The following AFF1 variants were observed in gnomAD, a reference collection of about 807,000 sequenced individuals.
AFF1 encodes AF4/FMR2 family member 1.
In AFF1, 48 loss-of-function variants were observed where a neutral mutation model predicts 121.7. That is an observed-to-expected ratio of 0.39 (90% CI 0.31 to 0.50). The LOEUF (loss-of-function observed/expected upper bound fraction) is 0.50, where lower values mean the gene tolerates loss of function less well. Among genes scored for constraint, AFF1 ranks in the 20% least tolerant of loss-of-function variants. The probability of loss-of-function intolerance (pLI) is 0.76; values close to 1 mark genes in which losing one functional copy is unlikely to be tolerated. For synonymous variants in AFF1, 613 were observed against 563.0 expected (o/e 1.09, Z -1.26); for missense variants, 1,523 against 1,511.7 (o/e 1.01, Z -0.12).
At chr4:87,122,033 A>T (rs1169465539) in intron 12 of AFF1, among the ~76,000 whole-genome samples, 1 of 152,242 alleles carries the variant, frequency 6.6e-6, no homozygotes, top group Non-Finnish European at 1.5e-5. Context: ...AGCCTTGTTA[A>T]TGCTTAGTTT....
intron 2 of AFF1, among the ~76,000 whole-genome samples, chr4:86,973,465 C>T (rs1392453130): frequency 6.6e-6 from 1 of 152,102 alleles, no homozygotes; most frequent in African/African-American, 2.4e-5. Flanking sequence ...TTTTTTTCCC[C>T]CTTAAATTAC....
intron 1 of AFF1, among the ~76,000 whole-genome samples, chr4:86,941,631 A>T (rs1720465781): frequency 6.6e-6 from 1 of 152,140 alleles, no homozygotes. Flanking sequence ...CAGCGTGGGC[A>T]ATAGAGCAAG....
chr4:86,992,519 G>A (rs750549180), intron 2 of AFF1, among the ~76,000 whole-genome samples: 7 of 152,142 alleles, frequency 4.6e-5, no homozygotes, highest in Non-Finnish European at 8.8e-5. Context: ...ATTCCCAAGT[G>A]ACAGTGTAGG....
At chr4:87,007,350 G>C in intron 2 of AFF1, 1 of 1,611,412 alleles carries the variant, frequency 6.2e-7, no homozygotes, top group Non-Finnish European at 8.5e-7. Flanking sequence ...GCTGGCAGCA[G>C]GGCCCGCGGG....
intron 17 of AFF1, 145 bp downstream of exon 17, chr4:87,131,364 C>T (rs968052014): frequency 9.0e-7 from 1 of 1,105,780 alleles, no homozygotes; most frequent in African/African-American, 1.6e-5. Context: ...AGTGTTTGTC[C>T]TGAAGTTGCG....
chr4:86,969,647 G>A (rs1194634735), intron 2 of AFF1, among the ~76,000 whole-genome samples: 1 of 150,984 alleles, frequency 6.6e-6, no homozygotes, highest in Non-Finnish European at 1.5e-5. Flanking sequence ...TAGGGAGGCC[G>A]AGGCAGGCGG....
intron 1 of AFF1, chr4:86,935,494 G>A (rs947023469): frequency 2.0e-5 from 3 of 152,540 alleles, no homozygotes; most frequent in African/African-American, 7.2e-5. Flanking sequence ...ACGGGGACAT[G>A]GGAAGAGACC....
In AFF1 at chr4:87,138,263, G is replaced by T. The variant is rs342459; in HGVS notation, c.*2562G>T. ...TTTTGCTGTTACGGTTGTATATAGA[G>T]GTCTGAAGGATTTTTAAAATGATTT... On this transcript the variant is annotated 3_prime_UTR_variant, in exon 21 of 21. Coordinates refer to ENST00000395146, the MANE Select transcript of AFF1 (RefSeq NM_001166693.3). The T allele has an allele frequency of 4.3e-6, 1 of 232,004 alleles. No homozygotes were observed. The highest frequency in any genetic ancestry group is 8.5e-6 in the Non-Finnish European group (1 of 117,496). 14.4% of individuals were successfully genotyped at this position (232,004 alleles called of 1,614,324 possible).
At chr4:87,095,049 T>G in intron 8 of AFF1, 80 bp downstream of exon 8, 1 of 1,357,374 alleles carries the variant, frequency 7.4e-7, no homozygotes, top group Non-Finnish European at 1.0e-6. Context: ...GCTTAGATTT[T>G]TCTGCCTTTA....
At position 86,948,491 on chromosome 4, in the gene AFF1, C is replaced by A; in HGVS notation, c.-36-7C>A. On this transcript the variant is annotated splice_polypyrimidine_tract_variant and splice_region_variant and intron_variant, in intron 1 of 20. Coordinates refer to ENST00000395146, the MANE Select transcript of AFF1 (RefSeq NM_001166693.3). ...TGTTCACAGGCTACTCTTTGTTTCT[C>A]TTTCAGATGAACAGACTAGCCACTT... The A allele has an allele frequency of 6.5e-7, 1 of 1,529,252 alleles. No individual in the cohort carries two copies. Among genetic ancestry groups the A allele is most frequent in the South Asian group, 1.2e-5 (1 of 83,590 alleles). The allele number at this position is 1,529,252 out of a possible 1,614,324, so 94.7% of individuals were successfully genotyped here.
intron 2 of AFF1, among the ~76,000 whole-genome samples, chr4:86,951,615 C>CTTTTTTCTTTTTTTTTT (rs1721324586): frequency 8.0e-6 from 1 of 124,942 alleles, no homozygotes; most frequent in African/African-American, 3.3e-5. Flanking sequence ...TTTCTTTTTT[C>CTTTTTTCTTTTTTTTTT]TTTTTTTCTT....
chr4:87,108,293 C>G lies in AFF1; in HGVS notation c.1511C>G (p.Pro504Arg). The G allele has an allele frequency of 2.5e-6, 4 of 1,613,618 alleles. No homozygotes were observed. Among genetic ancestry groups the G allele is most frequent in the East Asian group, 2.2e-5 (1 of 44,868 alleles). ...TCAAGTGACAGCGAAGAAAATGAGCCCCTAGAAACCCCAGCTCCGGAGGTA... is the reference window on the plus strand; with the variant it reads ...TCAAGTGACAGCGAAGAAAATGAGCGCCTAGAAACCCCAGCTCCGGAGGTA... The part of the protein sequence containing the change: ...SSSSDSEENE[P>R]LETPAPEPEP... Residue 504 changes from proline to arginine, a missense_variant, in exon 11 of 21, where the codon CCC (proline) becomes CGC (arginine). By Grantham distance (103) the Pro-to-Arg change is moderately radical. Around this residue, in one of 5 missense-constraint regions of AFF1, gnomAD observed 905 missense variants for 842.5 expected, o/e 1.07. Coordinates refer to ENST00000395146, the MANE Select transcript of AFF1 (RefSeq NM_001166693.3).
At chr4:87,092,689 C>T (rs578215181) in intron 7 of AFF1, among the ~76,000 whole-genome samples, 9 of 152,180 alleles carry the variant, frequency 5.9e-5, no homozygotes, top group African/African-American at 2.2e-4. Flanking sequence ...ATAAAATTTG[C>T]TGTTCCCTGC....
chr4:87,014,714 A>G (rs972471225), intron 2 of AFF1, among the ~76,000 whole-genome samples: 1 of 152,246 alleles, frequency 6.6e-6, no homozygotes, highest in African/African-American at 2.4e-5. Flanking sequence ...AGACAGACCC[A>G]AGATTATCAC....
intron 4 of AFF1, among the ~76,000 whole-genome samples, chr4:87,080,490 GGAGTAGCA>G (rs1180823278): frequency 6.6e-6 from 1 of 152,178 alleles, no homozygotes; most frequent in East Asian, 1.9e-4. Context: ...CCTTTTAGTA[GGAGTAGCA>G]GTATTTGGCT....
intron 2 of AFF1, among the ~76,000 whole-genome samples, chr4:87,002,883 T>G (rs1279554300): frequency 6.6e-6 from 1 of 152,200 alleles, no homozygotes; most frequent in Admixed American, 6.5e-5. Flanking sequence ...TGTACTTCAG[T>G]GTCCTCAAAT....
At chr4:87,052,810 G>C (rs560990156) in intron 4 of AFF1, among the ~76,000 whole-genome samples, 1 of 151,936 alleles carries the variant, frequency 6.6e-6, no homozygotes, top group South Asian at 2.1e-4. Context: ...GATCTGTTTG[G>C]CAGGGAACTG....
Position 87,047,077 on chromosome 4 carries a change from A to G in AFF1, c.542A>G (p.His181Arg). 1 of 1,614,164 alleles carries G rather than the reference A, an allele frequency of 6.2e-7. No individual in the cohort carries two copies. Among genetic ancestry groups the G allele is most frequent in the Non-Finnish European group, 8.5e-7 (1 of 1,180,022 alleles). ...CAGGAGGGGTTCGGCTCTAGTCATCACAAGAAAGGTGACCGAAGAGCTGAC... is the reference window on the plus strand; with the variant it reads ...CAGGAGGGGTTCGGCTCTAGTCATCGCAAGAAAGGTGACCGAAGAGCTGAC... ...LGQEGFGSSH[H>R]KKGDRRADGD... is the part of the protein sequence containing the mutation. The change falls in exon 4 of 21, where the codon CAC becomes CGC. Residue 181 changes from histidine (H) to arginine (R), a missense_variant. Around this residue, in one of 5 missense-constraint regions of AFF1, gnomAD observed 369 missense variants for 367.2 expected, o/e 1.00. Coordinates refer to ENST00000395146, the MANE Select transcript of AFF1 (RefSeq NM_001166693.3).
intron 2 of AFF1, among the ~76,000 whole-genome samples, chr4:87,011,574 T>G (rs972388802): frequency 6.6e-6 from 1 of 152,192 alleles, no homozygotes; most frequent in African/African-American, 2.4e-5. Context: ...TGAGCCATTA[T>G]CAAAGAGAAT....
Sources: gnomAD v4.1 joint callset for allele counts (sites outside exome capture counted in the v4.1 genomes callset) on GRCh38, gnomAD v4.1.1 for gene constraint, gnomAD v4.1.1 regional missense constraint, MANE v1.5 for transcripts, NCBI Gene and HGNC (gene_info 2026-07-23, HGNC 2026-07-21) for gene names.